The following DMD variants were observed in gnomAD, a reference collection of about 807,000 sequenced individuals.
DMD encodes the protein dystrophin, also known as mutant dystrophin.
DMD carries 63 observed loss-of-function variants against 330.1 expected under a neutral mutation model. The ratio of observed to expected loss-of-function variants is 0.19; its 90% CI spans 0.16 to 0.24. The LOEUF (loss-of-function observed/expected upper bound fraction) is 0.24. Ranked by LOEUF, DMD falls within the 10% of genes least tolerant of loss-of-function variation. The probability of loss-of-function intolerance (pLI) is 1.00; values close to 1 mark genes in which losing one functional copy is unlikely to be tolerated. For missense variants in DMD, 3,344 were observed against 2,684.1 expected (o/e 1.25, Z -5.43); for synonymous variants, 1,223 against 959.8 (o/e 1.27, Z -5.07).
In DMD at chrX:33,224,366, G is replaced by A. The variant is rs749981726; in HGVS notation, c.7+114893C>T. 1.4e-4 allele frequency among the ~76,000 whole-genome samples: 16 copies of A among 111,578 alleles called. No homozygotes were observed. In the South Asian group the frequency reaches 5.6e-3, roughly 39 times the overall value. ...AGTAGGTGAATGGATAAATAAACTGGTACATTCAGACTATAGATGCTAAAA... is the reference window on the plus strand; with the variant it reads ...AGTAGGTGAATGGATAAATAAACTGATACATTCAGACTATAGATGCTAAAA... On this transcript the variant is annotated intron_variant, in intron 1 of 17. Transcript: ENST00000288447.
At chrX:31,846,852 A>C (rs1790496934) in intron 48 of DMD, among the ~76,000 whole-genome samples, 1 of 111,769 alleles carries the variant, frequency 8.9e-6, no homozygotes. Flanking sequence ...TGACAACTAC[A>C]AGGAATTTCC....
At chrX:31,371,370 A>G (rs2059562239) in intron 60 of DMD, among the ~76,000 whole-genome samples, 1 of 111,697 alleles carries the variant, frequency 9.0e-6, no homozygotes, top group Non-Finnish European at 1.9e-5. Context: ...TTTCTTTTTG[A>G]AGCAATATAC....
chrX:31,813,966 T>C (rs1329719681), intron 50 of DMD, among the ~76,000 whole-genome samples: 2 of 111,413 alleles, frequency 1.8e-5, no homozygotes, highest in Admixed American at 9.6e-5. Flanking sequence ...GCTTTTAGTA[T>C]ACAATGACAG....
At chrX:32,828,045 T>A (rs1277055931) in intron 4 of DMD, among the ~76,000 whole-genome samples, 1 of 111,567 alleles carries the variant, frequency 9.0e-6, no homozygotes, top group African/African-American at 3.3e-5. Flanking sequence ...TCCAGCTGCA[T>A]CCATGTTGCT....
Position 32,364,698 on chromosome X carries a change from G to A in DMD, c.5038C>T (p.His1680Tyr). ...WLNLLLEYQK[H>Y]METFDQNVDH... ...ACATTCTGGTCAAAAGTTTCCATGTGTTTCTGGTATTCCTTAATTGTACAG... is the reference window on the plus strand; with the variant it reads ...ACATTCTGGTCAAAAGTTTCCATGTATTTCTGGTATTCCTTAATTGTACAG... Residue 1680 changes from histidine to tyrosine, a missense_variant, in exon 36 of 79, where the codon CAC (histidine) becomes TAC (tyrosine). Physicochemically the swap from His to Tyr is moderately conservative, Grantham distance 83. Coordinates refer to ENST00000357033, the MANE Select transcript of DMD (RefSeq NM_004006.3). 1 of 1,209,061 alleles carries A rather than the reference G, an allele frequency of 8.3e-7. No homozygotes were observed.
chrX:32,726,096 A>G (rs1203867382), intron 7 of DMD, among the ~76,000 whole-genome samples: 1 of 111,502 alleles, frequency 9.0e-6, no homozygotes, highest in Non-Finnish European at 1.9e-5. Context: ...TATATGTTAC[A>G]AATTTATTAC....
chrX:31,142,979 C>A (rs141550518), intron 76 of DMD, among the ~76,000 whole-genome samples: 1 of 111,921 alleles, frequency 8.9e-6, no homozygotes, highest in Non-Finnish European at 1.9e-5. Context: ...AATCAGTCAT[C>A]GGGGTTGCAT....
At chrX:33,298,750 G>C (rs1405184178) in intron 1 of DMD, among the ~76,000 whole-genome samples, 3 of 111,831 alleles carry the variant, frequency 2.7e-5, no homozygotes, top group Non-Finnish European at 3.8e-5. Flanking sequence ...AGATAAAGCA[G>C]CCAACTTTTG....
intron 60 of DMD, among the ~76,000 whole-genome samples, chrX:31,351,725 C>CAAAAAAAAAAAAAAAAAAAAAAAAA (rs3061693): frequency 3.2e-4 from 17 of 53,021 alleles, no homozygotes; most frequent in East Asian, 1.1e-3. Context: ...GACTCCATCT[C>CAAAAAAAAAAAAAAAAAAAAAAAAA]AAAAAAAAAA....
chrX:32,261,896 T>A (rs926620124), intron 43 of DMD, among the ~76,000 whole-genome samples: 8 of 106,381 alleles, frequency 7.5e-5, no homozygotes, highest in African/African-American at 2.3e-4. Flanking sequence ...CAGGACTAGT[T>A]ATTTTAAACT....
At chrX:32,864,117 A>G (rs971940281) in intron 2 of DMD, among the ~76,000 whole-genome samples, 2 of 112,359 alleles carry the variant, frequency 1.8e-5, no homozygotes, top group African/African-American at 6.5e-5. Context: ...ATATTGTCAA[A>G]TATTACAATT....
At chrX:32,970,714 A>G (rs1211356923) in intron 2 of DMD, among the ~76,000 whole-genome samples, 2 of 93,085 alleles carry the variant, frequency 2.1e-5, no homozygotes, top group East Asian at 6.7e-4. Flanking sequence ...GCACAATAAG[A>G]AGAATTTTCT....
intron 43 of DMD, among the ~76,000 whole-genome samples, chrX:32,276,117 C>A (rs2097385732): frequency 8.9e-6 from 1 of 111,903 alleles, no homozygotes; most frequent in African/African-American, 3.2e-5. Flanking sequence ...GCTGTGCTGT[C>A]ACAGTAGAGA....
At chrX:31,173,241 G>C (rs1009370928) in intron 72 of DMD, among the ~76,000 whole-genome samples, 1 of 111,098 alleles carries the variant, frequency 9.0e-6, no homozygotes, top group African/African-American at 3.3e-5. Flanking sequence ...AGTTTTCTAA[G>C]GAGGTTAAAC....
At chrX:31,661,815 AATGTTTCACATTCAAACCC>A (rs1177640922) in intron 53 of DMD, among the ~76,000 whole-genome samples, 14 of 112,192 alleles carry the variant, frequency 1.2e-4, no homozygotes, top group Non-Finnish European at 1.9e-5. Context: ...CCAGGAAAGA[AATGTTTCACATTCAAACCC>A]ATTATGCTGC....
intron 43 of DMD, among the ~76,000 whole-genome samples, chrX:32,274,205 C>T (rs2097376406): frequency 1.8e-5 from 2 of 111,676 alleles, no homozygotes; most frequent in African/African-American, 3.3e-5. Flanking sequence ...ATTTAGATAA[C>T]AAGCAGGCAA....
chrX:32,972,335 G>A (rs1250425281), intron 2 of DMD, among the ~76,000 whole-genome samples: 3 of 110,103 alleles, frequency 2.7e-5, no homozygotes, highest in Admixed American at 9.8e-5. Flanking sequence ...GCACCACGAC[G>A]CTCTGTTAAT....
At chrX:33,254,041 T>C (rs2052814578) in intron 1 of DMD, among the ~76,000 whole-genome samples, 2 of 111,076 alleles carry the variant, frequency 1.8e-5, no homozygotes, top group Non-Finnish European at 1.9e-5. Context: ...AAGTACATAT[T>C]ATTTTGTAAA....
intron 62 of DMD, among the ~76,000 whole-genome samples, chrX:31,269,188 A>C (rs2051420557): frequency 8.9e-6 from 1 of 111,764 alleles, no homozygotes; most frequent in South Asian, 3.7e-4. Context: ...TTGTTGTTCA[A>C]TTGCAGTCAG....
Sources: allele counts gnomAD v4.1 joint callset (sites outside exome capture counted in the v4.1 genomes callset), GRCh38; gene constraint gnomAD v4.1.1; transcripts MANE v1.5; gene names NCBI Gene and HGNC (gene_info 2026-07-23, HGNC 2026-07-21).